The following ZNF462 variants were observed in gnomAD, a reference collection of about 807,000 sequenced individuals.
The protein encoded by ZNF462 is zinc finger PBX1-interacting protein.
A neutral mutation model predicts 201.9 loss-of-function variants in ZNF462; 10 were observed. The observed-to-expected ratio is 0.05, with a 90% CI of 0.03 to 0.08. ZNF462 has a LOEUF of 0.08. ZNF462 is among the 10% of genes least tolerant of loss of function. The pLI is 1.00. For missense variants in ZNF462, 2,523 were observed against 3,168.3 expected, an observed-to-expected ratio of 0.80 and a Z score of 4.89; for synonymous variants, 1,227 against 1,193.3, an observed-to-expected ratio of 1.03 and a Z score of -0.58.
intron 1 of ZNF462, among the ~76,000 whole-genome samples, chr9:106,903,029 G>T (rs148568678): frequency 0.012 from 1,834 of 152,048 alleles, 31 homozygotes; most frequent in African/African-American, 0.042. Context: ...TAGATTGTCT[G>T]TTTGTGCCCT....
chr9:106,936,992 T>A (rs1347252098), intron 6 of ZNF462, among the ~76,000 whole-genome samples: 1 of 152,216 alleles, frequency 6.6e-6, no homozygotes, highest in Non-Finnish European at 1.5e-5. Flanking sequence ...TTGGCCTCCA[T>A]GACATTGCTT....
At position 106,972,346 on chromosome 9, in the gene ZNF462, T is replaced by TA. The variant is rs1826665647; in HGVS notation, c.6695+75dup. 6 of 1,543,918 alleles carry TA rather than the reference T, an allele frequency of 3.9e-6. No homozygotes were observed. The South Asian group carries it at 6.4e-5, about 16-fold the overall frequency. On this transcript the variant is annotated intron_variant, in intron 8 of 12. Coordinates refer to ENST00000277225, the MANE Select transcript of ZNF462 (RefSeq NM_021224.6). The surrounding 1 kb of genome is among the most constrained non-coding windows in gnomAD (Gnocchi z 4.8). ...TCCACCCCTCACTGCAGGCTTCCCT[T>TA]ACACTTTCCTACTTGGAGCTTATGG...
In ZNF462 at chr9:106,978,595, G is replaced by GA. The variant is rs998403714; in HGVS notation, c.6832+4327dup. 6.6e-6 allele frequency among the ~76,000 whole-genome samples: 1 copy of GA among 151,552 alleles called. No individual in the cohort carries two copies. The highest frequency in any genetic ancestry group is 1.5e-5 in the Non-Finnish European group (1 of 68,032). The stretch of plus-strand genomic sequence containing the variant: ...CCATGATTTGATGAGTTTAACTAGG[G>GA]AAAAATTAAGCCCTGAACTTCTCTT... On this transcript the variant is annotated intron_variant, in intron 9 of 12. Transcript: ENST00000277225. This position sits in a 1 kb window ranked among gnomAD's most constrained non-coding sequence, Gnocchi z 4.1.
At chr9:106,864,069 T>C (rs1007793621) in intron 1 of ZNF462, among the ~76,000 whole-genome samples, 1 of 121,840 alleles carries the variant, frequency 8.2e-6, no homozygotes, top group Admixed American at 8.2e-5. Context: ...TCTCTCTCTC[T>C]CTCTCTCTCT....
chr9:106,936,124 C>T (rs1222601324), intron 6 of ZNF462, among the ~76,000 whole-genome samples: 4 of 152,212 alleles, frequency 2.6e-5, no homozygotes, highest in Admixed American at 2.0e-4. Context: ...AGCAGCTGTG[C>T]TGGTCTCTAT....
rs1456749830 is a variant in ZNF462, at chr9:107,009,715, G to C, written c.7313+47G>C. The C allele has an allele frequency of 6.3e-7, 1 of 1,578,716 alleles. No individual in the cohort carries two copies. Among genetic ancestry groups the C allele is most frequent in the Non-Finnish European group, 8.7e-7 (1 of 1,153,302 alleles). On this transcript the variant is annotated intron_variant, in intron 12 of 12. Coordinates refer to ENST00000277225, the MANE Select transcript of ZNF462 (RefSeq NM_021224.6). The surrounding 1 kb of genome is among the most constrained non-coding windows in gnomAD (Gnocchi z 6.1). The stretch of plus-strand genomic sequence containing the variant: ...ATGCCTTTGTCCAAAGCAAGAGGTA[G>C]GGAGGGAGGGAGGGGCTCTTGTTTT...
At chr9:106,973,377 G>GT (rs1564143321) in intron 8 of ZNF462, among the ~76,000 whole-genome samples, 1 of 151,988 alleles carries the variant, frequency 6.6e-6, no homozygotes, top group Non-Finnish European at 1.5e-5. Context: ...TTGATGGAAC[G>GT]TGTGTTCTAT....
Position 106,872,125 on chromosome 9 carries a change from A to C in ZNF462, c.-31+8770A>C, listed in dbSNP as rs574319357. Reference sequence around the variant, plus strand: ...CTGTGTTATGACTAATTAGTCAGCAATTGAGCACCAATCATTCAACCCAGA... The same window carrying C: ...CTGTGTTATGACTAATTAGTCAGCACTTGAGCACCAATCATTCAACCCAGA... On this transcript the variant is annotated intron_variant, in intron 1 of 12. Transcript: ENST00000277225. The surrounding 1 kb of genome is among the most constrained non-coding windows in gnomAD (Gnocchi z 4.5). Among the ~76,000 whole-genome samples the C allele has an allele frequency of 6.6e-6, 1 of 152,234 alleles. No homozygotes were observed. Among genetic ancestry groups the C allele is most frequent in the East Asian group, 1.9e-4 (1 of 5,164 alleles).
In ZNF462 at chr9:106,930,837, C is replaced by A; in HGVS notation, c.6012+148C>A. 1.0e-6 allele frequency: 1 copy of A among 1,004,180 alleles called. No homozygotes were observed. The highest frequency in any genetic ancestry group is 1.4e-6 in the Non-Finnish European group (1 of 702,440). 62.2% of individuals were successfully genotyped at this position (1,004,180 alleles called of 1,614,324 possible). Reference sequence around the variant, plus strand: ...GGATTGGTTTGGCTTGTTTTGATTTCTTTGCAGGTTGGACCTTCCTCATCT... The same window carrying A: ...GGATTGGTTTGGCTTGTTTTGATTTATTTGCAGGTTGGACCTTCCTCATCT... On this transcript the variant is annotated intron_variant, in intron 4 of 12. Coordinates refer to ENST00000277225, the MANE Select transcript of ZNF462 (RefSeq NM_021224.6). This position sits in a 1 kb window ranked among gnomAD's most constrained non-coding sequence, Gnocchi z 5.8.
intron 1 of ZNF462, among the ~76,000 whole-genome samples, chr9:106,878,555 A>C (rs10978664): frequency 6.6e-6 from 1 of 152,116 alleles, no homozygotes; most frequent in East Asian, 1.9e-4. Context: ...GCACGGCTAC[A>C]GTATGCCTAG....
intron 1 of ZNF462, among the ~76,000 whole-genome samples, chr9:106,882,783 G>A (rs1202687035): frequency 6.6e-6 from 1 of 152,180 alleles, no homozygotes; most frequent in Non-Finnish European, 1.5e-5. Context: ...GAAAGAGGAA[G>A]ACAGGTCTTT....
rs1003595731 is a variant in ZNF462 at position 106,930,888 on chromosome 9, C to T, written c.6012+199C>T. 2.5e-4 allele frequency: 143 copies of T among 580,450 alleles called. 3 individuals carry two copies. The East Asian group carries it at 4.6e-3, about 19-fold the overall frequency. The allele number at this position is 580,450 out of a possible 1,614,324, so 36.0% of individuals were successfully genotyped here. A position where few individuals can be genotyped will look rare whatever the true frequency, so the allele number is the denominator to read the frequency against. ...TTCTGTTCAGGGAAAGGTCGAGTTT[C>T]GATCTGGTTTCCTTCCACGCGGATA... On this transcript the variant is annotated intron_variant, in intron 4 of 12. Transcript: ENST00000277225. The surrounding 1 kb of genome is among the most constrained non-coding windows in gnomAD (Gnocchi z 5.8).
At chr9:106,866,937 G>C (rs1443140904) in intron 1 of ZNF462, among the ~76,000 whole-genome samples, 1 of 152,104 alleles carries the variant, frequency 6.6e-6, no homozygotes, top group Non-Finnish European at 1.5e-5. Flanking sequence ...ATTGATAGCA[G>C]GACAATTGGT....
chr9:106,910,694 T>C (rs189672663), intron 1 of ZNF462, among the ~76,000 whole-genome samples: 128 of 152,314 alleles, frequency 8.4e-4, no homozygotes, highest in Non-Finnish European at 1.3e-3. Flanking sequence ...ACTCTTTTTT[T>C]CTTTGTCTAT....
rs1832074061 is a variant in ZNF462, at chr9:106,966,436, A to C, written c.6428-5569A>C. ...TCTAGTGTTGATTTCATTAATTAGC[A>C]CACTAATTAATACTAGTTATATTTA... On this transcript the variant is annotated intron_variant, in intron 7 of 12. Transcript: ENST00000277225. The surrounding 1 kb of genome is among the most constrained non-coding windows in gnomAD (Gnocchi z 4.4). Among the ~76,000 whole-genome samples the C allele has an allele frequency of 6.6e-6, 1 of 152,066 alleles. No homozygotes were observed. Among genetic ancestry groups the C allele is most frequent in the African/African-American group, 2.4e-5 (1 of 41,426 alleles).
rs1377896873 is a variant in ZNF462, at chr9:106,870,767, C to T, written c.-31+7412C>T. 2.6e-5 allele frequency among the ~76,000 whole-genome samples: 4 copies of T among 152,266 alleles called. No homozygotes were observed. In the East Asian group the frequency reaches 7.7e-4, roughly 29 times the overall value. ...GTAGGCCCAGGTGAGACAACTGTGT[C>T]AGAAGTAATAAAGCCCAGGATTTGT... On this transcript the variant is annotated intron_variant, in intron 1 of 12. Transcript: ENST00000277225. The surrounding 1 kb of genome is among the most constrained non-coding windows in gnomAD (Gnocchi z 4.3).
intron 7 of ZNF462, among the ~76,000 whole-genome samples, chr9:106,945,679 C>T (rs997731443): frequency 4.6e-5 from 7 of 152,106 alleles, no homozygotes; most frequent in Admixed American, 2.0e-4. Context: ...ACTAACTAAC[C>T]TTCTCTTTTT....
chr9:106,965,367 G>A (rs527424314), intron 7 of ZNF462, among the ~76,000 whole-genome samples: 1 of 145,560 alleles, frequency 6.9e-6, no homozygotes, highest in East Asian at 2.0e-4. Flanking sequence ...GTAATGATAT[G>A]TATGCTGGCT....
intron 10 of ZNF462, among the ~76,000 whole-genome samples, chr9:106,999,293 A>G (rs1236208331): frequency 6.6e-6 from 1 of 152,176 alleles, no homozygotes; most frequent in African/African-American, 2.4e-5. Flanking sequence ...TCCGGGCCCA[A>G]AAAGTAGTGT....
Sources: allele counts gnomAD v4.1 joint callset (sites outside exome capture counted in the v4.1 genomes callset), GRCh38; gene constraint gnomAD v4.1.1; non-coding constraint Gnocchi (gnomAD v3.1); transcripts MANE v1.5; gene names NCBI Gene and HGNC (gene_info 2026-07-23, HGNC 2026-07-21).